The following FOXA1 variants were observed in gnomAD, a reference collection of about 807,000 sequenced individuals.
FOXA1 encodes the protein hepatocyte nuclear factor 3-alpha.
In FOXA1, 9 loss-of-function variants were observed where a neutral mutation model predicts 29.2. The observed-to-expected ratio is 0.31, with a 90% CI of 0.19 to 0.54. The LOEUF (loss-of-function observed/expected upper bound fraction) is 0.54. Ranked by LOEUF, FOXA1 falls within the 20% of genes least tolerant of loss-of-function variation. The pLI is 0.95. For missense variants in FOXA1, 644 were observed against 681.2 expected, an observed-to-expected ratio of 0.95 and a Z score of 0.61; for synonymous variants, 340 against 300.9, an observed-to-expected ratio of 1.13 and a Z score of -1.34.
Position 37,591,883 on chromosome 14 carries a change from A to T in FOXA1, c.901T>A (p.Ser301Thr), listed in dbSNP as rs753453381. 4.0e-5 allele frequency: 58 copies of T among 1,454,380 alleles called. No homozygotes were observed. In the African/African-American group the frequency reaches 7.7e-4, roughly 19 times the overall value. 90.1% of individuals were successfully genotyped at this position (1,454,380 alleles called of 1,614,324 possible). A position where few individuals can be genotyped will look rare whatever the true frequency, so the allele number is the denominator to read the frequency against. The change falls in exon 2 of 2, where the codon TCT (serine) becomes ACT (threonine). Residue 301 changes from serine to threonine, a missense_variant. Physicochemically the swap from Ser to Thr is moderately conservative, Grantham distance 58. Coordinates refer to ENST00000250448, the MANE Select transcript of FOXA1 (RefSeq NM_004496.5). Reference protein sequence around the residue: ...PESRKDPSGASNPSADSPLHR... With the variant: ...PESRKDPSGATNPSADSPLHR... ...AGGGGCGAGTCGGCGCTGGGGTTAGAGGCGCCAGAGGGGTCCTTGCGGCTC... is the reference window on the plus strand; with the variant it reads ...AGGGGCGAGTCGGCGCTGGGGTTAGTGGCGCCAGAGGGGTCCTTGCGGCTC...
At position 37,591,182 on chromosome 14, in the gene FOXA1, A is replaced by G. The variant is rs1266967289; in HGVS notation, c.*183T>C. 3 of 804,560 alleles carry G rather than the reference A, an allele frequency of 3.7e-6. No homozygotes were observed. Among genetic ancestry groups the G allele is most frequent in the Admixed American group, 2.5e-5 (1 of 40,254 alleles). 49.8% of individuals were successfully genotyped at this position (804,560 alleles called of 1,614,324 possible). ...GTAATATACACAATGAATTTTGAAT[A>G]CAATAATAAAGTAACAGTCTTTTGC... On this transcript the variant is annotated 3_prime_UTR_variant, in exon 2 of 2. Transcript: ENST00000250448.
intron 1 of FOXA1, chr14:37,594,204 G>A (rs1036763698): frequency 1.6e-6 from 2 of 1,286,672 alleles, no homozygotes; most frequent in East Asian, 5.6e-5. Context: ...CTTTTAATAG[G>A]TGGTAGTCCT....
At position 37,592,478 on chromosome 14, in the gene FOXA1, C is replaced by G. The variant is rs767526421; in HGVS notation, c.306G>C (p.Thr102=). 3.2e-5 allele frequency: 51 copies of G among 1,607,786 alleles called. No individual in the cohort carries two copies. Among genetic ancestry groups the G allele is most frequent in the Non-Finnish European group, 4.2e-5 (49 of 1,179,048 alleles). Residue 102 remains threonine, a synonymous_variant, in exon 2 of 2, where the codon ACG becomes ACC. Transcript: ENST00000250448. ...AMNSMTAAGV[T]AMGTALSPSG... ...TCGGGCTCAGCGCCGTACCCATGGC[C>G]GTCACGCCGGCCGCAGTCATGCTGT...
chr14:37,594,394 G>A, intron 1 of FOXA1: 2 of 1,025,038 alleles, frequency 2.0e-6, no homozygotes, highest in Non-Finnish European at 1.2e-6. Flanking sequence ...TCCCCAAATA[G>A]GGCTTTTGAA....
At position 37,594,886 on chromosome 14, in the gene FOXA1, C is replaced by G. The variant is rs565953872; in HGVS notation, c.72+15G>C. On this transcript the variant is annotated intron_variant, in intron 1 of 1. Transcript: ENST00000250448. ...GCGGCGCCCCACCGGCCGCCCGCCT[C>G]GCCTTGCCTCTCACCTCCTGCGTGT... 10 of 1,556,358 alleles carry G rather than the reference C, an allele frequency of 6.4e-6. No homozygotes were observed. In the South Asian group the frequency reaches 6.9e-5, roughly 11 times the overall value.
rs1163692887 is a variant in FOXA1, at chr14:37,592,043, G to A, written c.741C>T (p.His247=). The change falls in exon 2 of 2, where the codon CAC becomes CAT. Residue 247 remains histidine, a synonymous_variant. Coordinates refer to ENST00000250448, the MANE Select transcript of FOXA1 (RefSeq NM_004496.5). ...KPGKGSYWTL[H]PDSGNMFENG... is the part of the protein sequence containing the mutation. ...TCTCGAACATGTTGCCGGAGTCCGG[G>A]TGCAGCGTCCAGTAGGAGCCCTTGC... The A allele has an allele frequency of 5.0e-6, 8 of 1,607,866 alleles. No homozygotes were observed. Among genetic ancestry groups the A allele is most frequent in the Non-Finnish European group, 6.8e-6 (8 of 1,176,898 alleles).
rs768015890 is a variant in FOXA1, at chr14:37,591,348, C to A, written c.*17G>T. The A allele has an allele frequency of 3.1e-6, 5 of 1,611,208 alleles. No homozygotes were observed. The South Asian group carries it at 5.5e-5, about 18-fold the overall frequency. ...TACCAGCATGGCTATGCCAGACAAACCCCCCAGTCCCGGGAGCTAGGAAGT... is the reference window on the plus strand; with the variant it reads ...TACCAGCATGGCTATGCCAGACAAAACCCCCAGTCCCGGGAGCTAGGAAGT... On this transcript the variant is annotated 3_prime_UTR_variant, in exon 2 of 2. Coordinates refer to ENST00000250448, the MANE Select transcript of FOXA1 (RefSeq NM_004496.5).
At chr14:37,593,515 T>C (rs1399860082) in intron 1 of FOXA1, among the ~76,000 whole-genome samples, 1 of 152,122 alleles carries the variant, frequency 6.6e-6, no homozygotes, top group Non-Finnish European at 1.5e-5. Flanking sequence ...CACATGCTGA[T>C]GTTGCTGCCG....
At position 37,591,797 on chromosome 14, in the gene FOXA1, G is replaced by C. The variant is rs1455734565; in HGVS notation, c.987C>G (p.Ala329=). The C allele has an allele frequency of 6.8e-7, 1 of 1,465,308 alleles. No individual in the cohort carries two copies. Among genetic ancestry groups the C allele is most frequent in the Middle Eastern group, 2.0e-4 (1 of 4,932 alleles). The allele number at this position is 1,465,308 out of a possible 1,614,324, so 90.8% of individuals were successfully genotyped here. A position where few individuals can be genotyped will look rare whatever the true frequency, so the allele number is the denominator to read the frequency against. ...QLEGAPAPGP[A]ASPQTLDHSG... ...TGTGGTCCAGAGTCTGGGGGCTGGCGGCGGGCCCGGGGGCCGGCGCGCCCT... is the reference window on the plus strand; with the variant it reads ...TGTGGTCCAGAGTCTGGGGGCTGGCCGCGGGCCCGGGGGCCGGCGCGCCCT... The change falls in exon 2 of 2, where the codon GCC becomes GCG. Residue 329 remains alanine (A), a synonymous_variant. Coordinates refer to ENST00000250448, the MANE Select transcript of FOXA1 (RefSeq NM_004496.5).
At chr14:37,594,469 C>T (rs2095599800) in intron 1 of FOXA1, 1 of 752,842 alleles carries the variant, frequency 1.3e-6, no homozygotes, top group Non-Finnish European at 1.6e-6. Flanking sequence ...CGGCAGAGCG[C>T]TTTAATCAGA....
At position 37,592,697 on chromosome 14, in the gene FOXA1, G is replaced by C. The variant is rs142844924; in HGVS notation, c.87C>G (p.Val29=). 12 of 1,612,990 alleles carry C rather than the reference G, an allele frequency of 7.4e-6. No individual in the cohort carries two copies. In the Admixed American group the frequency reaches 2.0e-4, roughly 27 times the overall value. Residue 29 remains valine, a synonymous_variant, in exon 2 of 2, where the codon GTC becomes GTG. Transcript: ENST00000250448. ...GGCCTGAGTTCATGTTGCTGACCGG[G>C]ACGGAGGAGTAGGCCTGGAGTGGAG... ...YADTQEAYSS[V]PVSNMNSGLG...
Position 37,591,772 on chromosome 14 carries a change from T to G in FOXA1, c.1012A>C (p.Ser338Arg), listed in dbSNP as rs2139180729. The G allele has an allele frequency of 1.3e-6, 2 of 1,522,844 alleles. No individual in the cohort carries two copies. The highest frequency in any genetic ancestry group is 1.8e-6 in the Non-Finnish European group (2 of 1,136,112). The allele number at this position is 1,522,844 out of a possible 1,614,324, so 94.3% of individuals were successfully genotyped here. The stretch of plus-strand genomic sequence containing the variant: ...GCGCCCCCTGTCGCCGTCGCCCCAC[T>G]GTGGTCCAGAGTCTGGGGGCTGGCG... ...PAASPQTLDHSGATATGGASE... is the reference protein window; with the variant it reads ...PAASPQTLDHRGATATGGASE... Residue 338 changes from serine to arginine, a missense_variant, in exon 2 of 2, where the codon AGT (serine) becomes CGT (arginine). Ser to Arg is a moderately radical substitution (Grantham distance 110). Transcript: ENST00000250448.
rs2139181085 is a variant in FOXA1 at position 37,591,870 on chromosome 14, G to A, written c.914C>T (p.Ala305Val). 6.9e-7 allele frequency: 1 copy of A among 1,451,884 alleles called. No individual in the cohort carries two copies. Among genetic ancestry groups the A allele is most frequent in the Non-Finnish European group, 9.0e-7 (1 of 1,107,962 alleles). 89.9% of individuals were successfully genotyped at this position (1,451,884 alleles called of 1,614,324 possible). ...KDPSGASNPSADSPLHRGVHG... is the reference protein window; with the variant it reads ...KDPSGASNPSVDSPLHRGVHG... ...CACACCCCGATGGAGGGGCGAGTCG[G>A]CGCTGGGGTTAGAGGCGCCAGAGGG... Residue 305 changes from alanine to valine, a missense_variant, in exon 2 of 2, where the codon GCC becomes GTC. Ala to Val is a moderately conservative substitution (Grantham distance 64). This residue lies in a region of FOXA1 where 295 missense variants were observed against 294.4 expected (regional missense o/e 1.00). Coordinates refer to ENST00000250448, the MANE Select transcript of FOXA1 (RefSeq NM_004496.5).
chr14:37,589,747 A>G lies in FOXA1; in HGVS notation c.*1618T>C, dbSNP rs1054318743. Among the ~76,000 whole-genome samples the G allele has an allele frequency of 1.3e-5, 2 of 151,972 alleles. No homozygotes were observed. Among genetic ancestry groups the G allele is most frequent in the South Asian group, 4.1e-4 (2 of 4,828 alleles). ...AAAAAAAAAAAAAAATGAAGTAAAC[A>G]TCACTGGGAATAAAGAATCTTAAAA... On this transcript the variant is annotated 3_prime_UTR_variant, in exon 2 of 2. Transcript: ENST00000250448.
In FOXA1 at chr14:37,590,719, C is replaced by A. The variant is rs1204354800; in HGVS notation, c.*646G>T. ...GAGCATGTGCATAATTAAGTCCATA[C>A]ACAATATACATGTATTTCATTTAAA... On this transcript the variant is annotated 3_prime_UTR_variant, in exon 2 of 2. Transcript: ENST00000250448. The A allele has an allele frequency of 1.7e-5, 4 of 235,076 alleles. No individual in the cohort carries two copies. The highest frequency in any genetic ancestry group is 6.6e-5 in the African/African-American group (3 of 45,138). The allele number at this position is 235,076 out of a possible 1,614,324, so 14.6% of individuals were successfully genotyped here.
Position 37,595,117 on chromosome 14 carries a change from G to T in FOXA1, c.-145C>A. On this transcript the variant is annotated 5_prime_UTR_variant, in exon 1 of 2. Transcript: ENST00000250448. The stretch of plus-strand genomic sequence containing the variant: ...CCAACGCCACCCGGGCGAAGAGGAA[G>T]CCCAGAGCTGCGGGGCGCGGCGTGC... The T allele has an allele frequency of 2.5e-6, 1 of 398,860 alleles. No homozygotes were observed. Among genetic ancestry groups the T allele is most frequent in the Non-Finnish European group, 3.7e-6 (1 of 268,702 alleles). The allele number at this position is 398,860 out of a possible 1,614,324, so 24.7% of individuals were successfully genotyped here.
At chr14:37,592,980 G>T (rs987304845) in intron 1 of FOXA1, among the ~76,000 whole-genome samples, 2 of 152,152 alleles carry the variant, frequency 1.3e-5, no homozygotes, top group Admixed American at 6.5e-5. Flanking sequence ...CGCCTTACAC[G>T]CCAGGCTCAG....
In FOXA1 at chr14:37,592,637, G is replaced by A; in HGVS notation, c.147C>T (p.Thr49=). The A allele has an allele frequency of 1.9e-6, 3 of 1,614,228 alleles. No homozygotes were observed. Among genetic ancestry groups the A allele is most frequent in the Non-Finnish European group, 1.7e-6 (2 of 1,180,050 alleles). Residue 49 remains threonine, a synonymous_variant, in exon 2 of 2, where the codon ACC becomes ACT. Coordinates refer to ENST00000250448, the MANE Select transcript of FOXA1 (RefSeq NM_004496.5). ...GSMNSMNTYM[T]MNTMTTSGNM... ...TGCCGCTCGTAGTCATGGTGTTCAT[G>A]GTCATGTAGGTGTTCATGGAGTTCA... is the stretch of plus-strand genomic sequence containing the variant.
rs2095594868 is a variant in FOXA1 at position 37,590,969 on chromosome 14, A to C, written c.*396T>G. On this transcript the variant is annotated 3_prime_UTR_variant, in exon 2 of 2. Coordinates refer to ENST00000250448, the MANE Select transcript of FOXA1 (RefSeq NM_004496.5). ...TCAGGTAAGGAGGGGGAAAAAGCAC[A>C]AACAAATATTTTACAAACTTGACCA... is the stretch of plus-strand genomic sequence containing the variant. 2 of 400,854 alleles carry C rather than the reference A, an allele frequency of 5.0e-6. No individual in the cohort carries two copies. Among genetic ancestry groups the C allele is most frequent in the Admixed American group, 4.2e-5 (1 of 24,026 alleles). 24.8% of individuals were successfully genotyped at this position (400,854 alleles called of 1,614,324 possible).
Sources: gnomAD v4.1 joint callset for allele counts (sites outside exome capture counted in the v4.1 genomes callset) on GRCh38, gnomAD v4.1.1 for gene constraint, gnomAD v4.1.1 regional missense constraint, MANE v1.5 for transcripts, NCBI Gene and HGNC (gene_info 2026-07-23, HGNC 2026-07-21) for gene names.